Variants in TGS1 observed in about 807,000 individuals in gnomAD.
TGS1 encodes trimethylguanosine synthase 1, also known as trimethylguanosine synthase.
TGS1 carries 69 observed loss-of-function variants against 92.2 expected under a neutral mutation model. That is an observed-to-expected ratio of 0.75 (90% CI 0.62 to 0.91). The LOEUF is 0.91. Among genes scored for constraint, TGS1 ranks in the 40% least tolerant of loss-of-function variants. TGS1 has a pLI of 0.00. For synonymous variants in TGS1, 345 were observed against 338.1 expected, an observed-to-expected ratio of 1.02 and a Z score of -0.22; for missense variants, 1,062 against 1,001.2, an observed-to-expected ratio of 1.06 and a Z score of -0.82.
chr8:55,814,935 C>G (rs1480999838), intron 12 of TGS1, among the ~76,000 whole-genome samples: 1 of 151,798 alleles, frequency 6.6e-6, no homozygotes, highest in Non-Finnish European at 1.5e-5. Flanking sequence ...ATCTACTTCT[C>G]ATATGATTCA....
intron 2 of TGS1, among the ~76,000 whole-genome samples, chr8:55,785,284 G>C (rs1811676243): frequency 6.6e-6 from 1 of 152,032 alleles, no homozygotes; most frequent in African/African-American, 2.4e-5. Flanking sequence ...TCAAACTCCT[G>C]ACCTCAAGTG....
At chr8:55,790,861 G>A (rs999672520) in intron 5 of TGS1, among the ~76,000 whole-genome samples, 2 of 152,068 alleles carry the variant, frequency 1.3e-5, no homozygotes, top group Non-Finnish European at 2.9e-5. Flanking sequence ...TTGGACTGAT[G>A]CCTTTTTTGT....
At chr8:55,797,234 T>C (rs1202444242) in intron 7 of TGS1, among the ~76,000 whole-genome samples, 1 of 152,088 alleles carries the variant, frequency 6.6e-6, no homozygotes, top group Non-Finnish European at 1.5e-5. Context: ...ACATGGCAGC[T>C]AGAGAGAGAA....
At chr8:55,782,839 C>A in intron 2 of TGS1, 27 bp downstream of exon 2, 2 of 1,486,540 alleles carry the variant, frequency 1.3e-6, no homozygotes, top group East Asian at 2.3e-5. Flanking sequence ...TTCTATAAAC[C>A]TTTTTTGCTG....
intron 5 of TGS1, among the ~76,000 whole-genome samples, chr8:55,791,318 A>G (rs1170926648): frequency 6.6e-6 from 1 of 152,248 alleles, no homozygotes; most frequent in Non-Finnish European, 1.5e-5. Context: ...AACTGTCACA[A>G]GAAATTTTTC....
chr8:55,786,116 T>C, intron 3 of TGS1, 122 bp from the exon 4 acceptor site: 1 of 722,498 alleles, frequency 1.4e-6, no homozygotes, highest in Non-Finnish European at 2.2e-6. Flanking sequence ...TTTGTGGAGC[T>C]AAAAGCCCAT....
intron 1 of TGS1, 85 bp downstream of exon 1, chr8:55,773,804 C>A: frequency 1.8e-6 from 2 of 1,116,614 alleles, no homozygotes; most frequent in East Asian, 2.7e-5. Flanking sequence ...GTAATTGATC[C>A]CTGAAAGCAG....
At position 55,802,349 on chromosome 8, in the gene TGS1, A is replaced by G. The variant is rs1008579082; in HGVS notation, c.1850-108A>G. 17 of 905,310 alleles carry G rather than the reference A, an allele frequency of 1.9e-5. No individual in the cohort carries two copies. The African/African-American group carries it at 2.2e-4, about 12-fold the overall frequency. 56.1% of individuals were successfully genotyped at this position (905,310 alleles called of 1,614,324 possible). The stretch of plus-strand genomic sequence containing the variant: ...TGTTTCTCTGGGCGTGTCATTATAT[A>G]CATGTTCTGCTTGTAATTATTTGAT... On this transcript the variant is annotated intron_variant, in intron 8 of 12. Coordinates refer to ENST00000260129, the MANE Select transcript of TGS1 (RefSeq NM_024831.8).
rs779955455 is a variant in TGS1 at position 55,806,713 on chromosome 8, CTG to C, written c.2143+1681_2143+1682del. ...AATCTTGTGAATTATGTCTTACTGTCTGTGTTTCACAGATAAACTGAGACATA... is the reference window on the plus strand; with the variant it reads ...AATCTTGTGAATTATGTCTTACTGTCTGTTTCACAGATAAACTGAGACATA... On this transcript the variant is annotated intron_variant, in intron 10 of 12. Transcript: ENST00000260129. Among the ~76,000 whole-genome samples, 173 of 152,226 alleles carry C rather than the reference CTG, an allele frequency of 1.1e-3. 3 individuals are homozygous for C. Among genetic ancestry groups the C allele is most frequent in the Non-Finnish European group, 1.3e-4 (9 of 68,004 alleles).
At chr8:55,791,138 G>T (rs1444993830) in intron 5 of TGS1, among the ~76,000 whole-genome samples, 1 of 152,180 alleles carries the variant, frequency 6.6e-6, no homozygotes, top group African/African-American at 2.4e-5. Flanking sequence ...TCACAGCAAT[G>T]GCAGCTCTAA....
intron 5 of TGS1, among the ~76,000 whole-genome samples, chr8:55,792,479 A>G (rs1309347625): frequency 6.6e-6 from 1 of 152,190 alleles, no homozygotes; most frequent in African/African-American, 2.4e-5. Context: ...TTAAGACTGG[A>G]ATACTTATTG....
chr8:55,774,899 C>T (rs1462233345), intron 1 of TGS1, among the ~76,000 whole-genome samples: 1 of 152,110 alleles, frequency 6.6e-6, no homozygotes. Context: ...GCGTTCTCTG[C>T]AGGCTGAACT....
At chr8:55,813,578 G>A (rs1803394034) in intron 12 of TGS1, among the ~76,000 whole-genome samples, 2 of 152,078 alleles carry the variant, frequency 1.3e-5, no homozygotes, top group Non-Finnish European at 2.9e-5. Context: ...TTCATATTCT[G>A]AATTTCACTG....
chr8:55,806,286 G>A (rs1311504367), intron 10 of TGS1, among the ~76,000 whole-genome samples: 2 of 149,168 alleles, frequency 1.3e-5, no homozygotes, highest in Non-Finnish European at 3.0e-5. Flanking sequence ...AACCCGGGAG[G>A]TGGAGGTTGC....
Position 55,786,298 on chromosome 8 carries a change from T to C in TGS1, c.400T>C (p.Leu134=), listed in dbSNP as rs966258121. Residue 134 remains leucine, a synonymous_variant, in exon 4 of 13, where the codon TTA becomes CTA. Transcript: ENST00000260129. ...IKKKKHQKKY[L]DEIVQESWRK... is the part of the protein sequence containing the mutation. ...AAAGAAAAAACATCAAAAGAAATAC[T>C]TAGATGAAATTGTGCAAGAATCTTG... 4 of 1,569,610 alleles carry C rather than the reference T, an allele frequency of 2.5e-6. No homozygotes were observed. In the African/African-American group the frequency reaches 5.5e-5, roughly 22 times the overall value.
Position 55,826,187 on chromosome 8 carries a change from G to T in TGS1, c.*1484G>T, listed in dbSNP as rs1334363093. Among the ~76,000 whole-genome samples the T allele has an allele frequency of 6.6e-6, 1 of 152,090 alleles. No individual in the cohort carries two copies. The highest frequency in any genetic ancestry group is 1.5e-5 in the Non-Finnish European group (1 of 68,028). ...CTTAAAGTCACTAGGGAGATGGCAG[G>T]TGAAGTAAAGGCAGATTTCCAAAAT... On this transcript the variant is annotated 3_prime_UTR_variant, in exon 13 of 13. Transcript: ENST00000260129.
chr8:55,790,102 T>G, intron 4 of TGS1, 80 bp from the exon 5 acceptor site: 1 of 1,011,722 alleles, frequency 9.9e-7, no homozygotes, highest in Non-Finnish European at 1.5e-6. Context: ...GGTGCTAAAA[T>G]ATTTTCATTG....
chr8:55,814,056 TC>T (rs773865627), intron 12 of TGS1, among the ~76,000 whole-genome samples: 52 of 152,290 alleles, frequency 3.4e-4, no homozygotes, highest in Admixed American at 2.0e-3. Context: ...CAAGCAGTCC[TC>T]CCACCTCAGC....
At position 55,785,730 on chromosome 8, in the gene TGS1, A is replaced by G; in HGVS notation, c.178A>G (p.Thr60Ala). The change falls in exon 3 of 13, where the codon ACA (threonine) becomes GCA (alanine). Residue 60 changes from threonine (T) to alanine (A), a missense_variant. Transcript: ENST00000260129. ...DSGNNSGDQA[T>A]EEEEGGYSCG... Reference sequence around the variant, plus strand: ...AATGGTGTCTATAGGAGACCAGGCGACAGAAGAAGAGGAAGGTGGTTATTC... The same window carrying G: ...AATGGTGTCTATAGGAGACCAGGCGGCAGAAGAAGAGGAAGGTGGTTATTC... The G allele has an allele frequency of 6.2e-7, 1 of 1,606,812 alleles. No individual in the cohort carries two copies.
Sources: allele counts gnomAD v4.1 joint callset (sites outside exome capture counted in the v4.1 genomes callset), GRCh38; gene constraint gnomAD v4.1.1; transcripts MANE v1.5; gene names NCBI Gene and HGNC (gene_info 2026-07-23, HGNC 2026-07-21).